Variants in PDS5B observed in about 807,000 individuals in gnomAD.
PDS5B encodes PDS5 cohesin associated factor B.
Under a neutral mutation model 184.1 loss-of-function variants are expected in PDS5B, and 51 were observed. That is an observed-to-expected ratio of 0.28 (90% CI 0.22 to 0.35). The LOEUF is 0.35. Ranked by LOEUF, PDS5B falls within the 10% of genes least tolerant of loss-of-function variation. PDS5B has a pLI of 1.00. For synonymous variants in PDS5B, 566 were observed against 569.2 expected, an observed-to-expected ratio of 0.99 and a Z score of 0.08; for missense variants, 1,180 against 1,723.3, an observed-to-expected ratio of 0.68 and a Z score of 5.58.
At chr13:32,729,059 A>C (rs979785979) in intron 19 of PDS5B, among the ~76,000 whole-genome samples, 2 of 151,764 alleles carry the variant, frequency 1.3e-5, no homozygotes, top group Non-Finnish European at 2.9e-5. Context: ...TAAGCCCTAC[A>C]TGCATTAGGT....
At chr13:32,605,326 T>C (rs1159844117) in intron 1 of PDS5B, among the ~76,000 whole-genome samples, 3 of 152,226 alleles carry the variant, frequency 2.0e-5, no homozygotes, top group Non-Finnish European at 4.4e-5. Flanking sequence ...TTTCGTTAAA[T>C]GTACCCAGTA....
chr13:32,754,261 A>G (rs1458094293), intron 25 of PDS5B, among the ~76,000 whole-genome samples: 1 of 152,134 alleles, frequency 6.6e-6, no homozygotes, highest in Middle Eastern at 3.2e-3. Flanking sequence ...AGATTAGATC[A>G]CATCAGTCCC....
chr13:32,701,198 A>G (rs372631952), intron 16 of PDS5B, 125 bp from the exon 17 acceptor site: 12 of 565,906 alleles, frequency 2.1e-5, no homozygotes, highest in African/African-American at 9.5e-5. Context: ...GGCTTGTTCA[A>G]TTCTTACAGT....
intron 19 of PDS5B, among the ~76,000 whole-genome samples, chr13:32,721,510 C>T (rs1340673566): frequency 6.6e-6 from 1 of 151,336 alleles, no homozygotes; most frequent in Non-Finnish European, 1.5e-5. Flanking sequence ...CAGAGGCGCT[C>T]CTCACTTCCC....
At chr13:32,664,114 ATCAG>A (rs1333597776) in intron 6 of PDS5B, among the ~76,000 whole-genome samples, 1 of 152,162 alleles carries the variant, frequency 6.6e-6, no homozygotes, top group Non-Finnish European at 1.5e-5. Flanking sequence ...TTATCCACTC[ATCAG>A]TCAGTGGACA....
chr13:32,760,794 C>T (rs1311373052), intron 30 of PDS5B, 74 bp downstream of exon 30: 1 of 1,362,112 alleles, frequency 7.3e-7, no homozygotes, highest in Non-Finnish European at 1.0e-6. Context: ...ATAATATAAT[C>T]CAAAATGTTT....
chr13:32,758,293 T>A, intron 27 of PDS5B, 74 bp downstream of exon 27: 1 of 1,188,904 alleles, frequency 8.4e-7, no homozygotes, highest in Admixed American at 2.6e-5. Flanking sequence ...GAAACTTCTG[T>A]AGTATTTATA....
chr13:32,659,382 T>G, intron 6 of PDS5B, 102 bp downstream of exon 6: 1 of 815,010 alleles, frequency 1.2e-6, no homozygotes. Context: ...TTTAATCTTT[T>G]AGAGAATCTG....
At chr13:32,765,823 A>G (rs971290315) in intron 31 of PDS5B, among the ~76,000 whole-genome samples, 7 of 152,334 alleles carry the variant, frequency 4.6e-5, no homozygotes, top group Admixed American at 4.6e-4. Context: ...GCTGGTCTCA[A>G]ACGCCTGATG....
At chr13:32,606,094 A>G (rs894143374) in intron 1 of PDS5B, among the ~76,000 whole-genome samples, 28 of 152,160 alleles carry the variant, frequency 1.8e-4, no homozygotes, top group African/African-American at 5.5e-4. Context: ...TTATGTGTGA[A>G]TTTGATCCTG....
chr13:32,666,691 G>T (rs1243846157), intron 6 of PDS5B, among the ~76,000 whole-genome samples: 2 of 152,106 alleles, frequency 1.3e-5, no homozygotes, highest in Non-Finnish European at 2.9e-5. Flanking sequence ...TACATGTACA[G>T]ACAGTTCCTG....
rs553691311 is a variant in PDS5B, at chr13:32,673,932, C to T, written c.846+576C>T. On this transcript the variant is annotated intron_variant, in intron 8 of 34. Coordinates refer to ENST00000315596, the MANE Select transcript of PDS5B (RefSeq NM_015032.4). ...TCGGGATCAAGCTACTCTTCCACCT[C>T]AGCCTCCCAAGTAGCTGGGACTACA... Among the ~76,000 whole-genome samples the T allele has an allele frequency of 8.8e-5, 13 of 147,006 alleles. 1 individual carries two copies. The South Asian group carries it at 3.0e-3, about 33-fold the overall frequency.
intron 23 of PDS5B, 137 bp from the exon 24 acceptor site, chr13:32,745,840 G>A (rs1953723528): frequency 3.0e-6 from 2 of 670,624 alleles, no homozygotes; most frequent in Non-Finnish European, 5.0e-6. Flanking sequence ...TAGGAATTTT[G>A]GGGGACACAA....
intron 29 of PDS5B, 55 bp from the exon 30 acceptor site, chr13:32,760,514 TTACACG>T (rs909591423): frequency 6.6e-7 from 1 of 1,511,280 alleles, no homozygotes; most frequent in Non-Finnish European, 9.1e-7. Flanking sequence ...TTATGGTTCT[TTACACG>T]TAACTTTCTT....
chr13:32,595,267 A>G (rs1159263715), intron 1 of PDS5B, among the ~76,000 whole-genome samples: 1 of 152,132 alleles, frequency 6.6e-6, no homozygotes, highest in Non-Finnish European at 1.5e-5. Flanking sequence ...TAACTCTCAC[A>G]TTACATAAGT....
intron 34 of PDS5B, among the ~76,000 whole-genome samples, chr13:32,774,647 G>A (rs1041773392): frequency 6.6e-6 from 1 of 152,158 alleles, no homozygotes; most frequent in African/African-American, 2.4e-5. Flanking sequence ...GATAATGTAA[G>A]TTCATAAATG....
chr13:32,600,434 G>T (rs78239303), intron 1 of PDS5B, among the ~76,000 whole-genome samples: 220 of 152,146 alleles, frequency 1.4e-3, no homozygotes, highest in African/African-American at 5.0e-3. Context: ...TTTAAGATGG[G>T]TCTATAGAAA....
intron 6 of PDS5B, 49 bp from the exon 7 acceptor site, chr13:32,667,715 C>A: frequency 9.0e-7 from 1 of 1,113,916 alleles, no homozygotes; most frequent in Non-Finnish European, 1.3e-6. Context: ...TAATATTTTG[C>A]TTTTCATAGT....
rs908990623 is a variant in PDS5B at position 32,698,552 on chromosome 13, C to T, written c.1601-1178C>T. ...TTTCCTTGCAGATTTTTTTCTATTA[C>T]AGAAACAGGAAAAGGTCATACAGAA... On this transcript the variant is annotated intron_variant, in intron 15 of 34. Transcript: ENST00000315596. Among the ~76,000 whole-genome samples the T allele has an allele frequency of 2.6e-5, 4 of 151,944 alleles. No individual in the cohort carries two copies. The East Asian group carries it at 7.7e-4, about 29-fold the overall frequency.
Sources: gnomAD v4.1 joint callset for allele counts (sites outside exome capture counted in the v4.1 genomes callset) on GRCh38, gnomAD v4.1.1 for gene constraint, MANE v1.5 for transcripts, NCBI Gene and HGNC (gene_info 2026-07-23, HGNC 2026-07-21) for gene names.